The following GRID1 variants were observed in gnomAD, a reference collection of about 807,000 sequenced individuals.
GRID1 encodes the protein glutamate ionotropic receptor delta type subunit 1, also known as glutamate receptor ionotropic, delta-1.
In GRID1, 28 loss-of-function variants were observed where a neutral mutation model predicts 98.0. The observed-to-expected ratio is 0.29, with a 90% CI of 0.21 to 0.39. GRID1 has a LOEUF of 0.39. GRID1 is among the 10% of genes least tolerant of loss of function. The probability of loss-of-function intolerance (pLI) is 1.00; values close to 1 mark genes in which losing one functional copy is unlikely to be tolerated. For missense variants in GRID1, 1,111 were observed against 1,340.5 expected (o/e 0.83, Z 2.67); for synonymous variants, 553 against 538.5 (o/e 1.03, Z -0.37).
At chr10:86,274,486 A>G (rs530446772) in intron 2 of GRID1, among the ~76,000 whole-genome samples, 4 of 152,212 alleles carry the variant, frequency 2.6e-5, no homozygotes. Context: ...CATTGAATCT[A>G]TAAATTACCT....
At chr10:86,190,192 G>A (rs1845781327) in intron 3 of GRID1, among the ~76,000 whole-genome samples, 1 of 152,188 alleles carries the variant, frequency 6.6e-6, no homozygotes, top group Admixed American at 6.5e-5. Flanking sequence ...GACACATGGT[G>A]TGATCCTAAC....
chr10:85,736,040 A>AGGGAGAAAGGAAAGAAGGAAGGAGAGAG (rs1165392835), intron 8 of GRID1, among the ~76,000 whole-genome samples: 12 of 134,916 alleles, frequency 8.9e-5, no homozygotes, highest in African/African-American at 3.0e-4. Context: ...GGAAGTAGGG[A>AGGGAGAAAGGAAAGAAGGAAGGAGAGAG]GGGAGAAAGG....
At chr10:86,036,070 C>T (rs1355716443) in intron 4 of GRID1, among the ~76,000 whole-genome samples, 3 of 152,172 alleles carry the variant, frequency 2.0e-5, no homozygotes, top group Non-Finnish European at 4.4e-5. Context: ...GGTGATCAGC[C>T]TGGTATATGG....
At chr10:85,748,944 C>G (rs1842022273) in intron 8 of GRID1, among the ~76,000 whole-genome samples, 1 of 152,170 alleles carries the variant, frequency 6.6e-6, no homozygotes, top group African/African-American at 2.4e-5. Context: ...ATTTCAGAGT[C>G]ATCCTTGATT....
At chr10:85,890,251 A>G (rs1452869535) in intron 5 of GRID1, among the ~76,000 whole-genome samples, 1 of 152,130 alleles carries the variant, frequency 6.6e-6, no homozygotes, top group Admixed American at 6.6e-5. Context: ...ATAGTTAACA[A>G]TAATATACTG....
chr10:86,308,314 T>C (rs951227989), intron 2 of GRID1, among the ~76,000 whole-genome samples: 2 of 152,224 alleles, frequency 1.3e-5, no homozygotes, highest in African/African-American at 4.8e-5. Context: ...CCACCAGACA[T>C]TGGGATGAGG....
chr10:86,179,986 A>C (rs1845631735), intron 3 of GRID1, among the ~76,000 whole-genome samples: 1 of 152,194 alleles, frequency 6.6e-6, no homozygotes. Flanking sequence ...GAAGGGTCTG[A>C]ATCCCTTGCA....
At chr10:85,707,131 T>G (rs535876254) in intron 12 of GRID1, among the ~76,000 whole-genome samples, 237 of 152,056 alleles carry the variant, frequency 1.6e-3, no homozygotes, top group Non-Finnish European at 1.7e-3. Context: ...TTAAACTAAA[T>G]AGCTTCTGCA....
intron 4 of GRID1, among the ~76,000 whole-genome samples, chr10:86,071,351 A>G (rs547846531): frequency 1.2e-4 from 19 of 152,288 alleles, no homozygotes; most frequent in Non-Finnish European, 2.8e-4. Flanking sequence ...TGGTAGCACA[A>G]TGACTTGCAT....
chr10:85,753,993 T>C (rs1386290859), intron 8 of GRID1, among the ~76,000 whole-genome samples: 1 of 152,178 alleles, frequency 6.6e-6, no homozygotes, highest in African/African-American at 2.4e-5. Flanking sequence ...ATAGCAAATA[T>C]TGTAAAGCTT....
intron 2 of GRID1, among the ~76,000 whole-genome samples, chr10:86,320,755 T>C (rs117824937): frequency 0.023 from 3,459 of 152,254 alleles, 46 homozygotes; most frequent in Middle Eastern, 0.055. Flanking sequence ...ATGGACAAAA[T>C]TTCAAGCACA....
chr10:85,663,549 C>G (rs1009092016), intron 12 of GRID1, among the ~76,000 whole-genome samples: 1 of 152,152 alleles, frequency 6.6e-6, no homozygotes, highest in African/African-American at 2.4e-5. Flanking sequence ...CCCTAAGAAA[C>G]TAATACAGCC....
In GRID1 at chr10:85,916,676, T is replaced by C. The variant is rs773843464; in HGVS notation, c.727-437A>G. Reference sequence around the variant, plus strand: ...TCTAGTCCAGCTGTACTGAGTGACATTCAGGAAGACAGCAGCTCACAGCAG... The same window carrying C: ...TCTAGTCCAGCTGTACTGAGTGACACTCAGGAAGACAGCAGCTCACAGCAG... On this transcript the variant is annotated intron_variant, in intron 4 of 15. Transcript: ENST00000327946. This position sits in a 1 kb window ranked among gnomAD's most constrained non-coding sequence, Gnocchi z 4.0. Among the ~76,000 whole-genome samples, 1 of 152,222 alleles carries C rather than the reference T, an allele frequency of 6.6e-6. No homozygotes were observed. Among genetic ancestry groups the C allele is most frequent in the Non-Finnish European group, 1.5e-5 (1 of 68,038 alleles).
At chr10:86,310,963 A>T (rs1847824015) in intron 2 of GRID1, among the ~76,000 whole-genome samples, 1 of 152,288 alleles carries the variant, frequency 6.6e-6, no homozygotes, top group Admixed American at 6.5e-5. Context: ...CAGGCAATCC[A>T]TCCTGAAAGA....
chr10:85,769,739 G>A (rs1415963729), intron 8 of GRID1, among the ~76,000 whole-genome samples: 1 of 152,224 alleles, frequency 6.6e-6, no homozygotes, highest in Non-Finnish European at 1.5e-5. Flanking sequence ...AGCAGTCTGA[G>A]ATCAAACTGC....
chr10:85,692,185 C>T (rs747000118), intron 12 of GRID1, among the ~76,000 whole-genome samples: 1 of 152,074 alleles, frequency 6.6e-6, no homozygotes, highest in African/African-American at 2.4e-5. Context: ...CTCCACTGTC[C>T]GTTCATTTAT....
intron 2 of GRID1, among the ~76,000 whole-genome samples, chr10:86,321,908 AGCAG>A (rs1847976169): frequency 6.6e-6 from 1 of 152,092 alleles, no homozygotes; most frequent in Non-Finnish European, 1.5e-5. Context: ...CACAAAGACA[AGCAG>A]GCAACCCAGA....
intron 4 of GRID1, among the ~76,000 whole-genome samples, chr10:86,127,340 C>T (rs2131963902): frequency 6.6e-6 from 1 of 152,316 alleles, no homozygotes; most frequent in Non-Finnish European, 1.5e-5. Context: ...GATGCCTTCT[C>T]ATCTGAAGAG....
intron 4 of GRID1, among the ~76,000 whole-genome samples, chr10:86,127,570 C>G (rs930669632): frequency 6.6e-6 from 1 of 152,188 alleles, no homozygotes; most frequent in African/African-American, 2.4e-5. Flanking sequence ...TCTTCTCCCG[C>G]TCTCTCTTGG....
Sources: allele counts gnomAD v4.1 joint callset (sites outside exome capture counted in the v4.1 genomes callset), GRCh38; gene constraint gnomAD v4.1.1; non-coding constraint Gnocchi (gnomAD v3.1); transcripts MANE v1.5; gene names NCBI Gene and HGNC (gene_info 2026-07-23, HGNC 2026-07-21).